Variants in TADA3 observed in about 807,000 individuals in gnomAD.
TADA3 encodes transcriptional adaptor 3.
A neutral mutation model predicts 43.2 loss-of-function variants in TADA3; 25 were observed. The ratio of observed to expected loss-of-function variants is 0.58; its 90% CI spans 0.42 to 0.81. The LOEUF is 0.81. TADA3 is among the 30% of genes least tolerant of loss of function. The pLI, the probability that TADA3 is intolerant of heterozygous loss-of-function variation, is 0.00. For synonymous variants in TADA3, 235 were observed against 225.5 expected, an observed-to-expected ratio of 1.04 and a Z score of -0.38; for missense variants, 441 against 567.8, an observed-to-expected ratio of 0.78 and a Z score of 2.27.
chr3:9,792,104 G>C (rs1279347882), intron 1 of TADA3, 112 bp downstream of exon 1: 1 of 152,286 alleles, frequency 6.6e-6, no homozygotes, highest in East Asian at 1.9e-4. Flanking sequence ...CATGTTATTT[G>C]ACCTTTTTCA....
intron 6 of TADA3, 58 bp downstream of exon 6, chr3:9,786,948 G>A: frequency 6.2e-6 from 9 of 1,458,312 alleles, no homozygotes; most frequent in Admixed American, 3.6e-5. Flanking sequence ...TAAAAAATAA[G>A]CATAACACAT....
Position 9,787,307 on chromosome 3 carries a change from A to G in TADA3, c.598T>C (p.Trp200Arg). Residue 200 changes from tryptophan to arginine, a missense_variant, in exon 5 of 9, where the codon TGG becomes CGG. By Grantham distance (101) the Trp-to-Arg change is moderately radical. Coordinates refer to ENST00000301964, the MANE Select transcript of TADA3 (RefSeq NM_006354.5). ...TCCTCCAGCAGGTCCTCCTGGGCCC[A>G]GCGCTGGGAGTAGTGCTTCCCCAGG... is the stretch of plus-strand genomic sequence containing the variant. ...PPLGKHYSQR[W>R]AQEDLLEEQK... 1 of 1,613,836 alleles carries G rather than the reference A, an allele frequency of 6.2e-7. No homozygotes were observed. Among genetic ancestry groups the G allele is most frequent in the Non-Finnish European group, 8.5e-7 (1 of 1,179,888 alleles).
chr3:9,780,242 G>T lies in TADA3; in HGVS notation c.*115C>A. On this transcript the variant is annotated 3_prime_UTR_variant, in exon 9 of 9. Coordinates refer to ENST00000301964, the MANE Select transcript of TADA3 (RefSeq NM_006354.5). ...AGGGGAAGGGCCACGGCCCTCTAGAGACTGCCGCCATTTGAGGGACAGCCA... is the reference window on the plus strand; with the variant it reads ...AGGGGAAGGGCCACGGCCCTCTAGATACTGCCGCCATTTGAGGGACAGCCA... 1 of 1,159,144 alleles carries T rather than the reference G, an allele frequency of 8.6e-7. No individual in the cohort carries two copies. The highest frequency in any genetic ancestry group is 1.2e-6 in the Non-Finnish European group (1 of 824,644). The allele number at this position is 1,159,144 out of a possible 1,614,324, so 71.8% of individuals were successfully genotyped here.
chr3:9,788,598 G>A (rs1308407144), intron 4 of TADA3, among the ~76,000 whole-genome samples: 1 of 151,574 alleles, frequency 6.6e-6, no homozygotes, highest in South Asian at 2.1e-4. Context: ...GGAATACAGT[G>A]GCACGATCTT....
At chr3:9,787,594 G>C in intron 4 of TADA3, 1 of 1,086,296 alleles carries the variant, frequency 9.2e-7, no homozygotes, top group Non-Finnish European at 1.3e-6. Flanking sequence ...AGAAGGTGCA[G>C]AATACGTACA....
chr3:9,784,051 G>A lies in TADA3; in HGVS notation c.1083C>T (p.Arg361=), dbSNP rs2078545195. The change falls in exon 8 of 9, where the codon CGC becomes CGT. Residue 361 remains arginine (R), a synonymous_variant. Coordinates refer to ENST00000301964, the MANE Select transcript of TADA3 (RefSeq NM_006354.5). ...ACCTCAGCAGGTCGTGCTTCTTGGTGCGGTTGTGGGCACTAAGTGCCTTCA... is the reference window on the plus strand; with the variant it reads ...ACCTCAGCAGGTCGTGCTTCTTGGTACGGTTGTGGGCACTAAGTGCCTTCA... ...AELKALSAHN[R]TKKHDLLRLA... 6.2e-7 allele frequency: 1 copy of A among 1,614,094 alleles called. No homozygotes were observed. The highest frequency in any genetic ancestry group is 8.5e-7 in the Non-Finnish European group (1 of 1,179,970).
intron 6 of TADA3, among the ~76,000 whole-genome samples, chr3:9,785,706 A>C (rs1219558207): frequency 1.3e-5 from 2 of 152,234 alleles, no homozygotes; most frequent in African/African-American, 2.4e-5. Flanking sequence ...TCTGCAACGC[A>C]CCAGGCAGTG....
rs544556904 is a variant in TADA3, at chr3:9,786,734, G to A, written c.810+272C>T. Among the ~76,000 whole-genome samples the A allele has an allele frequency of 5.9e-5, 9 of 152,272 alleles. No homozygotes were observed. In the South Asian group the frequency reaches 8.3e-4, roughly 14 times the overall value. On this transcript the variant is annotated intron_variant, in intron 6 of 8. Transcript: ENST00000301964. ...ACAGGGGCATGAGAGGGGCTTCTAG[G>A]ATATAGTAATGTTTCATTTTGTAAT...
At chr3:9,792,895 C>G, upstream of TADA3, 1 of 1,397,702 alleles carries the variant, frequency 7.2e-7, no homozygotes, top group South Asian at 1.6e-5. Flanking sequence ...CCTGGAGGAG[C>G]TTAAATAGTG....
At chr3:9,781,590 G>A (rs1169912499) in intron 8 of TADA3, 1 of 456,480 alleles carries the variant, frequency 2.2e-6, no homozygotes, top group South Asian at 1.5e-5. Flanking sequence ...GCAGCCTGAG[G>A]CTGACAGGAG....
Position 9,791,487 on chromosome 3 carries a change from T to A in TADA3, c.-21A>T. The A allele has an allele frequency of 6.3e-7, 1 of 1,584,168 alleles. No homozygotes were observed. Among genetic ancestry groups the A allele is most frequent in the South Asian group, 1.1e-5 (1 of 88,170 alleles). ...CTCATGGCCCAGGATATGGGGATCCTGTGGAGCTGGAGAGGACAGGGCCAT... is the reference window on the plus strand; with the variant it reads ...CTCATGGCCCAGGATATGGGGATCCAGTGGAGCTGGAGAGGACAGGGCCAT... On this transcript the variant is annotated 5_prime_UTR_variant, in exon 2 of 9. Coordinates refer to ENST00000301964, the MANE Select transcript of TADA3 (RefSeq NM_006354.5).
chr3:9,789,253 G>C (rs1394802043), intron 4 of TADA3, among the ~76,000 whole-genome samples: 1 of 152,204 alleles, frequency 6.6e-6, no homozygotes, highest in Non-Finnish European at 1.5e-5. Flanking sequence ...CAGAGGGGAT[G>C]GGGATAAAGG....
chr3:9,787,825 C>G lies in TADA3; in HGVS notation c.565-485G>C, dbSNP rs558629945. ...ACTGACTAACTTTCTGCTGGGGAAT[C>G]TGAAAGAGTGCTTTGGTGGAGGTAA... On this transcript the variant is annotated intron_variant, in intron 4 of 8. Coordinates refer to ENST00000301964, the MANE Select transcript of TADA3 (RefSeq NM_006354.5). The G allele has an allele frequency of 1.0e-4, 76 of 763,192 alleles. 1 individual carries two copies. The South Asian group carries it at 1.1e-3, about 11-fold the overall frequency. The allele number at this position is 763,192 out of a possible 1,614,324, so 47.3% of individuals were successfully genotyped here.
chr3:9,791,102 T>C (rs2078720025), intron 2 of TADA3, among the ~76,000 whole-genome samples, 158 bp downstream of exon 2: 1 of 152,190 alleles, frequency 6.6e-6, no homozygotes, highest in South Asian at 2.1e-4. Context: ...TGCATATTCT[T>C]GTGTATTTTT....
chr3:9,783,143 C>T (rs1377601441), intron 8 of TADA3: 4 of 152,246 alleles, frequency 2.6e-5, no homozygotes, highest in African/African-American at 9.6e-5. Context: ...GGAGAATATA[C>T]TGATGTTTAT....
intron 4 of TADA3, 40 bp from the exon 5 acceptor site, chr3:9,787,380 C>T (rs770062756): frequency 7.6e-6 from 12 of 1,569,802 alleles, no homozygotes; most frequent in Non-Finnish European, 1.0e-5. Flanking sequence ...TGGGTAAGCA[C>T]TGGCCAGCCA....
At chr3:9,783,988 C>T in intron 8 of TADA3, 40 bp downstream of exon 8, 1 of 1,583,428 alleles carries the variant, frequency 6.3e-7, no homozygotes, top group Non-Finnish European at 8.6e-7. Context: ...CCACAGCCTC[C>T]AAGGCCACCC....
At chr3:9,785,148 A>G (rs1012956486) in intron 7 of TADA3, among the ~76,000 whole-genome samples, 168 bp downstream of exon 7, 4 of 152,212 alleles carry the variant, frequency 2.6e-5, no homozygotes, top group Admixed American at 1.3e-4. Context: ...CCCTGCACTC[A>G]GTCTGTGCAT....
chr3:9,791,428 G>A lies in TADA3; in HGVS notation c.39C>T (p.Asp13=), dbSNP rs2078730156. ...ELKDCPLQFH[D]FKSVDHLKVC... is the part of the protein sequence containing the mutation. ...CCTTCAGGTGATCCACAGACTTGAA[G>A]TCGTGGAACTGCAAGGGGCAGTCTT... The change falls in exon 2 of 9, where the codon GAC becomes GAT. Residue 13 remains aspartate (D), a synonymous_variant. Coordinates refer to ENST00000301964, the MANE Select transcript of TADA3 (RefSeq NM_006354.5). 1.9e-6 allele frequency: 3 copies of A among 1,613,780 alleles called. No individual in the cohort carries two copies. The highest frequency in any genetic ancestry group is 1.3e-5 in the African/African-American group (1 of 74,938).
Sources: allele counts gnomAD v4.1 joint callset (sites outside exome capture counted in the v4.1 genomes callset), GRCh38; gene constraint gnomAD v4.1.1; transcripts MANE v1.5; gene names NCBI Gene and HGNC (gene_info 2026-07-23, HGNC 2026-07-21).